Variants in PTPN13 observed in about 807,000 individuals in gnomAD.
PTPN13 encodes the protein tyrosine-protein phosphatase non-receptor type 13.
A neutral mutation model predicts 284.0 loss-of-function variants in PTPN13; 191 were observed. The ratio of observed to expected loss-of-function variants is 0.67; its 90% confidence interval spans 0.60 to 0.76. The LOEUF is 0.76. Among genes scored for constraint, PTPN13 ranks in the 30% least tolerant of loss-of-function variants. PTPN13 has a pLI of 0.00. For synonymous variants in PTPN13, 986 were observed against 1,022.3 expected (o/e 0.96, Z 0.68); for missense variants, 2,797 against 2,939.9 (o/e 0.95, Z 1.12).
In PTPN13 at chr4:86,799,176, G is replaced by A; in HGVS notation, c.6477G>A (p.Glu2159=). The change falls in exon 42 of 48, where the codon GAG becomes GAA. Residue 2159 remains glutamate, a synonymous_variant. Coordinates refer to ENST00000411767, the MANE Select transcript of PTPN13 (RefSeq NM_080683.3). The part of the protein sequence containing the change: ...ITWGNDELPI[E]RTNHEDSDKD... ...GGGGAAATGATGAGTTGCCAATAGA[G>A]AGAACAAACCATGAAGATTCTGATA... 2 of 1,580,980 alleles carry A rather than the reference G, an allele frequency of 1.3e-6. No homozygotes were observed. The highest frequency in any genetic ancestry group is 1.7e-6 in the Non-Finnish European group (2 of 1,164,416).
chr4:86,689,258 T>G (rs933367299), intron 5 of PTPN13, 68 bp downstream of exon 5: 2 of 1,347,884 alleles, frequency 1.5e-6, no homozygotes, highest in African/African-American at 2.9e-5. Flanking sequence ...AAAATTTTCT[T>G]TAAGGATACT....
intron 1 of PTPN13, among the ~76,000 whole-genome samples, chr4:86,602,524 T>C (rs1387615711): frequency 6.6e-6 from 1 of 152,076 alleles, no homozygotes; most frequent in African/African-American, 2.4e-5. Flanking sequence ...AACTTAAATA[T>C]GGTTTCTTGT....
At chr4:86,633,669 C>A (rs1175937716) in intron 1 of PTPN13, among the ~76,000 whole-genome samples, 4 of 152,178 alleles carry the variant, frequency 2.6e-5, no homozygotes, top group African/African-American at 9.7e-5. Flanking sequence ...ACAGGGTAGT[C>A]CTTCACACAA....
At chr4:86,634,287 C>G (rs1722777441) in intron 1 of PTPN13, among the ~76,000 whole-genome samples, 2 of 152,028 alleles carry the variant, frequency 1.3e-5, no homozygotes, top group African/African-American at 4.8e-5. Context: ...TTGGTTTTGT[C>G]TGGGTAGAAA....
chr4:86,813,777 A>G (rs1002423453), intron 47 of PTPN13, among the ~76,000 whole-genome samples: 8 of 152,120 alleles, frequency 5.3e-5, no homozygotes, highest in Non-Finnish European at 1.0e-4. Context: ...AAAACATCAA[A>G]ATGAGCTCAA....
chr4:86,637,081 G>A (rs1723109962), intron 2 of PTPN13, among the ~76,000 whole-genome samples: 1 of 152,138 alleles, frequency 6.6e-6, no homozygotes, highest in African/African-American at 2.4e-5. Flanking sequence ...AAATCCAGAA[G>A]AAATGGATAA....
intron 31 of PTPN13, among the ~76,000 whole-genome samples, chr4:86,771,920 A>G (rs1161290353): frequency 6.6e-6 from 1 of 152,208 alleles, no homozygotes; most frequent in African/African-American, 2.4e-5. Context: ...AGGTAAGACA[A>G]AGAAGATGGG....
intron 2 of PTPN13, among the ~76,000 whole-genome samples, chr4:86,662,385 G>A (rs957164474): frequency 2.0e-5 from 3 of 152,138 alleles, no homozygotes; most frequent in African/African-American, 7.2e-5. Context: ...AGGCTGGAGT[G>A]TGGTGGTGCA....
intron 15 of PTPN13, among the ~76,000 whole-genome samples, chr4:86,739,084 A>AC: frequency 6.6e-6 from 1 of 152,044 alleles, no homozygotes; most frequent in East Asian, 1.9e-4. Context: ...TTTTTGCCCA[A>AC]CCCAGGGTCA....
At chr4:86,735,920 T>G (rs2149142667) in intron 15 of PTPN13, among the ~76,000 whole-genome samples, 174 bp downstream of exon 15, 1 of 152,258 alleles carries the variant, frequency 6.6e-6, no homozygotes, top group East Asian at 1.9e-4. Flanking sequence ...AAGAGGGAAA[T>G]GAGGCTCAAA....
At chr4:86,599,659 A>G (rs182065002) in intron 1 of PTPN13, among the ~76,000 whole-genome samples, 47 of 152,286 alleles carry the variant, frequency 3.1e-4, no homozygotes, top group African/African-American at 1.1e-3. Flanking sequence ...GAAATGGCAT[A>G]TATATAATTC....
intron 6 of PTPN13, among the ~76,000 whole-genome samples, chr4:86,694,938 A>G (rs1730448946): frequency 6.6e-6 from 1 of 151,992 alleles, no homozygotes; most frequent in Middle Eastern, 3.4e-3. Flanking sequence ...CATCAGAGAA[A>G]CCTGTCTTAC....
At chr4:86,805,173 A>T in intron 43 of PTPN13, 106 bp from the exon 44 acceptor site, 1 of 597,548 alleles carries the variant, frequency 1.7e-6, no homozygotes. Context: ...TAACACTCAG[A>T]ATCAGCCTTA....
intron 2 of PTPN13, among the ~76,000 whole-genome samples, chr4:86,644,850 T>TA (rs1724229011): frequency 2.6e-5 from 4 of 152,162 alleles, no homozygotes; most frequent in Non-Finnish European, 5.9e-5. Context: ...AAAACTATAT[T>TA]ATCTTTTTAA....
chr4:86,775,735 T>A (rs1185141020), intron 35 of PTPN13, 83 bp downstream of exon 35: 1 of 1,083,308 alleles, frequency 9.2e-7, no homozygotes, highest in East Asian at 2.6e-5. Context: ...TCTGAAAATA[T>A]ATTACTGAAT....
intron 1 of PTPN13, among the ~76,000 whole-genome samples, chr4:86,622,435 A>C (rs1480515329): frequency 6.6e-6 from 1 of 152,184 alleles, no homozygotes; most frequent in Non-Finnish European, 1.5e-5. Context: ...AAGGGTAGTA[A>C]AACTTTACCT....
intron 42 of PTPN13, among the ~76,000 whole-genome samples, chr4:86,799,649 A>G (rs1438645759): frequency 2.0e-5 from 3 of 151,918 alleles, no homozygotes; most frequent in Non-Finnish European, 4.4e-5. Flanking sequence ...GCTTTTAAAC[A>G]TAAAGTTAAA....
At chr4:86,782,102 TAAC>T (rs1050305966) in intron 36 of PTPN13, 96 bp from the exon 37 acceptor site, 58 of 807,400 alleles carry the variant, frequency 7.2e-5, no homozygotes, top group Non-Finnish European at 9.6e-5. Context: ...CTAATAAAAA[TAAC>T]AACATCCCAG....
intron 1 of PTPN13, among the ~76,000 whole-genome samples, chr4:86,629,443 A>G (rs945876295): frequency 4.0e-5 from 6 of 151,596 alleles, no homozygotes; most frequent in African/African-American, 7.3e-5. Context: ...AAAAGTCAGG[A>G]AACAACAGGT....
Sources: gnomAD v4.1 joint callset for allele counts (sites outside exome capture counted in the v4.1 genomes callset) on GRCh38, gnomAD v4.1.1 for gene constraint, MANE v1.5 for transcripts, NCBI Gene and HGNC (gene_info 2026-07-23, HGNC 2026-07-21) for gene names.